The following ANKS1B variants were observed in gnomAD, a reference collection of about 807,000 sequenced individuals.
ANKS1B encodes the protein ankyrin repeat and sterile alpha motif domain containing 1B, also known as ankyrin repeat and sterile alpha motif domain-containing protein 1B.
In ANKS1B, 36 loss-of-function variants were observed where a neutral mutation model predicts 148.3. That is an observed-to-expected ratio of 0.24 (90% CI 0.19 to 0.32). The LOEUF is 0.32. ANKS1B is among the 10% of genes least tolerant of loss of function. ANKS1B has a pLI of 1.00. For synonymous variants in ANKS1B, 542 were observed against 560.8 expected, an observed-to-expected ratio of 0.97 and a Z score of 0.47; for missense variants, 1,157 against 1,542.6, an observed-to-expected ratio of 0.75 and a Z score of 4.19.
chr12:99,454,709 A>G (rs1278705416), intron 10 of ANKS1B, among the ~76,000 whole-genome samples: 1 of 152,186 alleles, frequency 6.6e-6, no homozygotes, highest in African/African-American at 2.4e-5. Flanking sequence ...TTGTCTTATA[A>G]ATTCTCTACT....
intron 9 of ANKS1B, among the ~76,000 whole-genome samples, chr12:99,604,626 C>T (rs1327916863): frequency 2.0e-5 from 3 of 151,670 alleles, no homozygotes; most frequent in Non-Finnish European, 4.4e-5. Context: ...GCCAGCCTGA[C>T]CAACATGGTG....
At chr12:99,614,199 C>A (rs1477154871) in intron 9 of ANKS1B, among the ~76,000 whole-genome samples, 2 of 152,070 alleles carry the variant, frequency 1.3e-5, no homozygotes, top group East Asian at 3.9e-4. Context: ...CTTTGGGAGT[C>A]CAAGGTGGGC....
At chr12:99,579,683 A>G (rs1463403448) in intron 9 of ANKS1B, among the ~76,000 whole-genome samples, 1 of 152,166 alleles carries the variant, frequency 6.6e-6, no homozygotes, top group Non-Finnish European at 1.5e-5. Context: ...GACTATTATT[A>G]AAAAGGCAAA....
At chr12:99,260,142 T>A (rs2075767666) in intron 12 of ANKS1B, among the ~76,000 whole-genome samples, 1 of 152,158 alleles carries the variant, frequency 6.6e-6, no homozygotes, top group Non-Finnish European at 1.5e-5. Context: ...CTTATTTTAA[T>A]AACTTCCCAT....
intron 10 of ANKS1B, among the ~76,000 whole-genome samples, chr12:99,461,119 G>A (rs1182530023): frequency 2.0e-5 from 3 of 151,480 alleles, no homozygotes; most frequent in Non-Finnish European, 4.4e-5. Context: ...ACAAAATAAT[G>A]GCATTTGCAG....
intron 9 of ANKS1B, among the ~76,000 whole-genome samples, chr12:99,624,889 T>G (rs2098094497): frequency 6.6e-6 from 1 of 152,090 alleles, no homozygotes; most frequent in Non-Finnish European, 1.5e-5. Flanking sequence ...GCAATCCCAT[T>G]ATTGGGTATA....
chr12:99,112,558 T>C (rs1165442199), intron 15 of ANKS1B, among the ~76,000 whole-genome samples: 1 of 152,096 alleles, frequency 6.6e-6, no homozygotes, highest in Non-Finnish European at 1.5e-5. Context: ...TTATTCATTC[T>C]TGGAAGGTCC....
At chr12:99,803,294 G>A (rs117209548) in intron 4 of ANKS1B, among the ~76,000 whole-genome samples, 1,077 of 93,014 alleles carry the variant, frequency 0.012, 20 homozygotes, top group African/African-American at 0.041. Context: ...CAAAAAAAAA[G>A]GCAATGAGAC....
chr12:99,598,633 C>A (rs1021345254), intron 9 of ANKS1B, among the ~76,000 whole-genome samples: 1 of 151,998 alleles, frequency 6.6e-6, no homozygotes, highest in African/African-American at 2.4e-5. Flanking sequence ...GGACAGAGGG[C>A]CGACTTGCCA....
intron 17 of ANKS1B, among the ~76,000 whole-genome samples, chr12:98,936,814 T>C (rs2099819201): frequency 6.6e-6 from 1 of 152,144 alleles, no homozygotes; most frequent in Non-Finnish European, 1.5e-5. Context: ...CAGGTAAGGA[T>C]TACATAATTG....
intron 9 of ANKS1B, among the ~76,000 whole-genome samples, chr12:99,613,653 GA>G (rs2097920761): frequency 6.6e-6 from 1 of 151,984 alleles, no homozygotes; most frequent in South Asian, 2.1e-4. Flanking sequence ...GCTAAATGAT[GA>G]GAATACATGG....
intron 9 of ANKS1B, among the ~76,000 whole-genome samples, chr12:99,595,479 T>C (rs541723675): frequency 1.3e-5 from 2 of 152,024 alleles, no homozygotes; most frequent in Non-Finnish European, 2.9e-5. Flanking sequence ...ATATTTTATT[T>C]TAAATGCTGA....
chr12:99,173,758 A>G (rs1415631172), intron 14 of ANKS1B, among the ~76,000 whole-genome samples: 1 of 152,148 alleles, frequency 6.6e-6, no homozygotes, highest in African/African-American at 2.4e-5. Flanking sequence ...AGTTATATTC[A>G]CCACCAAGCA....
At chr12:99,152,613 T>C (rs2075238867) in intron 15 of ANKS1B, among the ~76,000 whole-genome samples, 2 of 152,118 alleles carry the variant, frequency 1.3e-5, no homozygotes, top group Non-Finnish European at 2.9e-5. Context: ...CTCATAAGTG[T>C]TTAACATTCA....
chr12:98,844,564 A>G (rs563103930), intron 17 of ANKS1B, among the ~76,000 whole-genome samples: 1 of 152,344 alleles, frequency 6.6e-6, no homozygotes, highest in African/African-American at 2.4e-5. Flanking sequence ...AGGTTGACAG[A>G]CCAGGAGAAT....
At chr12:98,984,375 A>C (rs908191001) in intron 17 of ANKS1B, among the ~76,000 whole-genome samples, 1 of 152,184 alleles carries the variant, frequency 6.6e-6, no homozygotes, top group African/African-American at 2.4e-5. Flanking sequence ...TGCCATCTGG[A>C]GAGGCTGTGA....
At chr12:98,984,102 C>T (rs1432512917) in intron 17 of ANKS1B, among the ~76,000 whole-genome samples, 2 of 152,160 alleles carry the variant, frequency 1.3e-5, no homozygotes, top group Non-Finnish European at 2.9e-5. Flanking sequence ...CACATGCTGA[C>T]AAGTCTTTTG....
At chr12:99,838,445 G>C (rs2085191078) in intron 1 of ANKS1B, among the ~76,000 whole-genome samples, 1 of 151,864 alleles carries the variant, frequency 6.6e-6, no homozygotes, top group Non-Finnish European at 1.5e-5. Context: ...TGAGTAGCTT[G>C]TTTATATTCT....
chr12:99,567,376 G>A (rs1267807479), intron 9 of ANKS1B, among the ~76,000 whole-genome samples: 1 of 151,996 alleles, frequency 6.6e-6, no homozygotes, highest in African/African-American at 2.4e-5. Flanking sequence ...CATGCAAAAA[G>A]CCTTTTATAT....
Sources: allele counts gnomAD v4.1 joint callset (sites outside exome capture counted in the v4.1 genomes callset), GRCh38; gene constraint gnomAD v4.1.1; transcripts MANE v1.5; gene names NCBI Gene and HGNC (gene_info 2026-07-23, HGNC 2026-07-21).